IP6K3: variants seen among roughly 807,000 people sequenced by gnomAD.
The protein encoded by IP6K3 is inositol hexakisphosphate kinase 3.
In IP6K3, 20 loss-of-function variants were observed where a neutral mutation model predicts 28.8. That is an observed-to-expected ratio of 0.70 (90% confidence interval 0.49 to 1.01). The LOEUF is 1.01. Ranked by LOEUF, IP6K3 falls within the 50% of genes least tolerant of loss-of-function variation. The pLI is 0.00. For synonymous variants in IP6K3, 213 were observed against 221.3 expected (o/e 0.96, Z 0.33); for missense variants, 480 against 537.1 (o/e 0.89, Z 1.05).
chr6:33,722,218 C>T lies in IP6K3; in HGVS notation c.*502G>A, dbSNP rs982429671. On this transcript the variant is annotated 3_prime_UTR_variant, in exon 6 of 6. Coordinates refer to ENST00000293756, the MANE Select transcript of IP6K3 (RefSeq NM_054111.5). The stretch of plus-strand genomic sequence containing the variant: ...TCTCTTCTGCTTCATCCTGTGTCAC[C>T]TAAAACTCCGCTTAGGAAGATAAGA... The T allele has an allele frequency of 2.0e-5, 3 of 152,210 alleles. No individual in the cohort carries two copies. The highest frequency in any genetic ancestry group is 1.9e-4 in the Admixed American group (3 of 15,534). 9.4% of individuals were successfully genotyped at this position (152,210 alleles called of 1,614,324 possible).
Position 33,744,724 on chromosome 6 carries a change from C to G in IP6K3, c.-180+2034G>C. Among the ~76,000 whole-genome samples the G allele has an allele frequency of 6.6e-6, 1 of 152,230 alleles. No individual in the cohort carries two copies. The highest frequency in any genetic ancestry group is 1.9e-4 in the East Asian group (1 of 5,200). On this transcript the variant is annotated intron_variant, in intron 1 of 5. Coordinates refer to ENST00000293756, the MANE Select transcript of IP6K3 (RefSeq NM_054111.5). The surrounding 1 kb of genome is among the most constrained non-coding windows in gnomAD (Gnocchi z 4.4). ...CTTTGCCCAGACCTGTCCCAGAGAGCCTCGATGGCAGCTGAAGTTCTGCCT... is the reference window on the plus strand; with the variant it reads ...CTTTGCCCAGACCTGTCCCAGAGAGGCTCGATGGCAGCTGAAGTTCTGCCT...
intron 2 of IP6K3, among the ~76,000 whole-genome samples, chr6:33,730,588 G>A (rs1766285431): frequency 6.6e-6 from 1 of 152,200 alleles, no homozygotes; most frequent in South Asian, 2.1e-4. Flanking sequence ...CTGACGGCAG[G>A]TTGAGGAAGG....
At position 33,728,239 on chromosome 6, in the gene IP6K3, T is replaced by A. The variant is rs1561901817; in HGVS notation, c.261A>T (p.Pro87=). The A allele has an allele frequency of 6.2e-7, 1 of 1,614,132 alleles. No homozygotes were observed. ...STGHLSLVAN[P]VKESQEPFKV... ...TGAAGGGCTCCTGGCTCTCCTTCAC[T>A]GGGTTGGCAACCAAGCTGAGATGGC... The change falls in exon 3 of 6, where the codon CCA becomes CCT. Residue 87 remains proline (P), a synonymous_variant. Coordinates refer to ENST00000293756, the MANE Select transcript of IP6K3 (RefSeq NM_054111.5).
At chr6:33,725,194 A>G (rs1402337841) in intron 5 of IP6K3, among the ~76,000 whole-genome samples, 1 of 148,442 alleles carries the variant, frequency 6.7e-6, no homozygotes, top group Non-Finnish European at 1.5e-5. Flanking sequence ...GTGCCACTGC[A>G]CTCCAGCCTG....
upstream of IP6K3, among the ~76,000 whole-genome samples, chr6:33,751,483 CGTGT>C (rs762389623): frequency 3.9e-4 from 24 of 61,506 alleles, no homozygotes; most frequent in African/African-American, 7.8e-4. This position sits in a 1 kb window ranked among gnomAD's most constrained non-coding sequence, Gnocchi z 4.3. Flanking sequence ...CTCTGCAGGC[CGTGT>C]GTGTGTGTGT....
At chr6:33,759,946 C>G in the IP6K3 span, among the ~76,000 whole-genome samples, 1 of 152,124 alleles carries the variant, frequency 6.6e-6, no homozygotes, top group African/African-American at 2.4e-5. Context: ...GTGGACCCCC[C>G]ACCTTGCCCT....
chr6:33,748,641 C>CCAAAAAA (rs1766974993), upstream of IP6K3, among the ~76,000 whole-genome samples: 1 of 44,766 alleles, frequency 2.2e-5, no homozygotes, highest in African/African-American at 6.9e-5. Context: ...GACCCTGTCT[C>CCAAAAAA]CAAAAAAAAA....
the IP6K3 span, among the ~76,000 whole-genome samples, chr6:33,752,484 T>C: frequency 1.2e-4 from 18 of 152,354 alleles, no homozygotes; most frequent in East Asian, 1.7e-3. Flanking sequence ...TTGTTGGCTC[T>C]GCTCAGAGCA....
intron 1 of IP6K3, among the ~76,000 whole-genome samples, chr6:33,740,505 T>G (rs528829750): frequency 6.6e-6 from 1 of 152,334 alleles, no homozygotes; most frequent in South Asian, 2.1e-4. Flanking sequence ...ACAGCCAGCC[T>G]GTGCTAGCCT....
chr6:33,747,809 G>A (rs1032015272), upstream of IP6K3, among the ~76,000 whole-genome samples: 9 of 152,264 alleles, frequency 5.9e-5, no homozygotes, highest in Non-Finnish European at 8.8e-5. This position sits in a 1 kb window ranked among gnomAD's most constrained non-coding sequence, Gnocchi z 5.2. Context: ...GGAAGAGTCG[G>A]CTCAGGCTTG....
chr6:33,732,182 C>T (rs950537162), intron 2 of IP6K3, among the ~76,000 whole-genome samples: 2 of 152,198 alleles, frequency 1.3e-5, no homozygotes, highest in African/African-American at 2.4e-5. Context: ...GGGATGCAGC[C>T]CCAGGGCACC....
intron 2 of IP6K3, among the ~76,000 whole-genome samples, chr6:33,728,659 C>T (rs971371752): frequency 2.0e-5 from 3 of 152,236 alleles, no homozygotes; most frequent in Non-Finnish European, 4.4e-5. Flanking sequence ...CACAGCCAAC[C>T]CAGCTCTGCC....
chr6:33,730,703 G>A (rs548226092), intron 2 of IP6K3, among the ~76,000 whole-genome samples: 58 of 152,248 alleles, frequency 3.8e-4, no homozygotes, highest in African/African-American at 1.2e-3. Context: ...GGGTTTTGAC[G>A]GTGGGCGCCT....
chr6:33,731,389 C>T (rs1766317359), intron 2 of IP6K3, among the ~76,000 whole-genome samples: 1 of 152,220 alleles, frequency 6.6e-6, no homozygotes, highest in African/African-American at 2.4e-5. Flanking sequence ...GTGACCTTCA[C>T]CCACTCCTCC....
At chr6:33,747,774 G>A (rs1416820374), upstream of IP6K3, among the ~76,000 whole-genome samples, 1 of 152,138 alleles carries the variant, frequency 6.6e-6, no homozygotes, top group Non-Finnish European at 1.5e-5. The surrounding 1 kb of genome is among the most constrained non-coding windows in gnomAD (Gnocchi z 5.2). Flanking sequence ...TCAGCCTCTG[G>A]GAGGAACTGA....
At position 33,744,076 on chromosome 6, in the gene IP6K3, C is replaced by G. The variant is rs1766822223; in HGVS notation, c.-180+2682G>C. ...GTCAAGTGCCACTGGAAGGGCTGCT[C>G]TGGGGGAGGCAGAGGCTGCGAGGGC... On this transcript the variant is annotated intron_variant, in intron 1 of 5. Coordinates refer to ENST00000293756, the MANE Select transcript of IP6K3 (RefSeq NM_054111.5). This position sits in a 1 kb window ranked among gnomAD's most constrained non-coding sequence, Gnocchi z 4.4. Among the ~76,000 whole-genome samples, 1 of 152,154 alleles carries G rather than the reference C, an allele frequency of 6.6e-6. No individual in the cohort carries two copies.
At chr6:33,727,986 C>A in intron 3 of IP6K3, 101 bp downstream of exon 3, 1 of 1,498,894 alleles carries the variant, frequency 6.7e-7, no homozygotes, top group East Asian at 2.3e-5. Context: ...TTTTTCTCAG[C>A]ACCAGCCTTA....
the IP6K3 span, among the ~76,000 whole-genome samples, chr6:33,756,506 G>T: frequency 2.0e-5 from 3 of 152,100 alleles, no homozygotes; most frequent in African/African-American, 7.2e-5. Flanking sequence ...CAGAGAGAGA[G>T]CGAGAGAGAC....
At chr6:33,747,155 A>T (rs889471170), upstream of IP6K3, among the ~76,000 whole-genome samples, 1 of 152,180 alleles carries the variant, frequency 6.6e-6, no homozygotes, top group African/African-American at 2.4e-5. This position sits in a 1 kb window ranked among gnomAD's most constrained non-coding sequence, Gnocchi z 5.2. Flanking sequence ...CTGGGCACCA[A>T]GGGCCCATCA....
Sources: gnomAD v4.1 joint callset for allele counts (sites outside exome capture counted in the v4.1 genomes callset) on GRCh38, gnomAD v4.1.1 for gene constraint, Gnocchi (gnomAD v3.1) non-coding constraint, MANE v1.5 for transcripts, NCBI Gene and HGNC (gene_info 2026-07-23, HGNC 2026-07-21) for gene names.